The following AMPD1 variants were observed in gnomAD, a reference collection of about 807,000 sequenced individuals.
AMPD1 encodes the protein AMP deaminase 1.
In AMPD1, 74 loss-of-function variants were observed where a neutral mutation model predicts 82.9. The ratio of observed to expected loss-of-function variants is 0.89; its 90% CI spans 0.74 to 1.08. The LOEUF (loss-of-function observed/expected upper bound fraction) is 1.08, where lower values mean the gene tolerates loss of function less well. AMPD1 is among the 50% of genes least tolerant of loss of function. The pLI is 0.00. For synonymous variants in AMPD1, 333 were observed against 320.5 expected (o/e 1.04, Z -0.42); for missense variants, 881 against 924.5 (o/e 0.95, Z 0.61).
At chr1:114,692,753 ATTTTTTT>A in intron 2 of AMPD1, among the ~76,000 whole-genome samples, 1 of 141,036 alleles carries the variant, frequency 7.1e-6, no homozygotes, top group Non-Finnish European at 1.5e-5. Context: ...ATGAACAACA[ATTTTTTT>A]TTTTTTTTTT....
intron 7 of AMPD1, among the ~76,000 whole-genome samples, chr1:114,679,277 G>T (rs559855162): frequency 6.6e-6 from 1 of 152,300 alleles, no homozygotes; most frequent in East Asian, 1.9e-4. Flanking sequence ...AGGACTAGAA[G>T]GAAGATCTTT....
intron 4 of AMPD1, 92 bp from the exon 5 acceptor site, chr1:114,684,456 CTG>C: frequency 7.4e-7 from 1 of 1,345,238 alleles, no homozygotes; most frequent in Non-Finnish European, 1.0e-6. Context: ...CCCAGCTCTC[CTG>C]TGTATCGCAG....
chr1:114,675,470 A>G (rs1350306453), intron 12 of AMPD1, 60 bp downstream of exon 12: 1 of 1,570,610 alleles, frequency 6.4e-7, no homozygotes, highest in Non-Finnish European at 8.7e-7. Flanking sequence ...TTAATTGCCA[A>G]TATATGTGGA....
rs780401066 is a variant in AMPD1, at chr1:114,695,408, A to AC, written c.22+41_22+42insG. 45 of 1,602,956 alleles carry AC rather than the reference A, an allele frequency of 2.8e-5. No homozygotes were observed. The East Asian group carries it at 3.8e-4, about 14-fold the overall frequency. On this transcript the variant is annotated intron_variant, in intron 1 of 15. Coordinates refer to ENST00000520113, the MANE Select transcript of AMPD1 (RefSeq NM_000036.3). Reference sequence around the variant, plus strand: ...ACAGTTGCTTGTCAAAAAAAAAAAAAAACAACAACAACTGAGCTCTCCAAA... The same window carrying AC: ...ACAGTTGCTTGTCAAAAAAAAAAAAACAACAACAACAACTGAGCTCTCCAAA...
At chr1:114,679,123 C>T (rs1658080895) in intron 7 of AMPD1, among the ~76,000 whole-genome samples, 1 of 152,160 alleles carries the variant, frequency 6.6e-6, no homozygotes, top group Non-Finnish European at 1.5e-5. Context: ...ATTTCACAAT[C>T]TCTAGGCTAG....
At chr1:114,676,504 G>C (rs1657984847) in intron 10 of AMPD1, among the ~76,000 whole-genome samples, 1 of 152,076 alleles carries the variant, frequency 6.6e-6, no homozygotes, top group Non-Finnish European at 1.5e-5. Context: ...CCTTGTTTTA[G>C]AGATGATGAA....
At chr1:114,688,536 T>G in intron 3 of AMPD1, 25 bp downstream of exon 3, 3 of 1,613,646 alleles carry the variant, frequency 1.9e-6, no homozygotes, top group Non-Finnish European at 2.5e-6. Flanking sequence ...GCCAATATAC[T>G]AAGCACTCCC....
At chr1:114,690,808 G>C (rs949888135) in intron 2 of AMPD1, among the ~76,000 whole-genome samples, 4 of 152,102 alleles carry the variant, frequency 2.6e-5, no homozygotes, top group Non-Finnish European at 5.9e-5. Flanking sequence ...GCAGAAGTTG[G>C]AAGAGGCTGC....
rs1033130567 is a variant in AMPD1 at position 114,695,105 on chromosome 1, A to G, written c.22+345T>C. ...TTGTCATGTTCATGATTTTCAGCCA[A>G]TACCATAGCTAGAGTCATTATGTAG... On this transcript the variant is annotated intron_variant, in intron 1 of 15. Transcript: ENST00000520113. 3.9e-5 allele frequency among the ~76,000 whole-genome samples: 6 copies of G among 152,184 alleles called. No homozygotes were observed. In the East Asian group the frequency reaches 1.2e-3, roughly 29 times the overall value.
chr1:114,673,517 T>C (rs1423713871), intron 15 of AMPD1, 122 bp downstream of exon 15: 11 of 921,548 alleles, frequency 1.2e-5, no homozygotes, highest in Non-Finnish European at 1.9e-5. Flanking sequence ...CTAGTCCCTG[T>C]CCATAGTAAC....
chr1:114,677,802 C>CTTCT, intron 9 of AMPD1, 108 bp downstream of exon 9: 1 of 276,102 alleles, frequency 3.6e-6, no homozygotes, highest in Non-Finnish European at 5.1e-6. Flanking sequence ...TCTCTCCCTC[C>CTTCT]TTCCTTCCTT....
chr1:114,678,633 A>G, intron 7 of AMPD1, 106 bp from the exon 8 acceptor site: 3 of 1,041,778 alleles, frequency 2.9e-6, no homozygotes, highest in Non-Finnish European at 1.5e-6. Context: ...GACAAAGTGA[A>G]TAATGAGGAT....
chr1:114,676,240 C>A (rs927128827), intron 10 of AMPD1: 3 of 484,454 alleles, frequency 6.2e-6, no homozygotes, highest in Admixed American at 3.3e-5. Flanking sequence ...TTTTTACAAA[C>A]CTTTGTCATA....
At chr1:114,691,680 C>T (rs1207843499) in intron 2 of AMPD1, among the ~76,000 whole-genome samples, 1 of 152,118 alleles carries the variant, frequency 6.6e-6, no homozygotes, top group Admixed American at 6.6e-5. Context: ...AATCCCAGAA[C>T]TTTGGGAGGC....
chr1:114,679,354 T>C (rs1349776345), intron 7 of AMPD1, among the ~76,000 whole-genome samples: 1 of 152,362 alleles, frequency 6.6e-6, no homozygotes, highest in East Asian at 1.9e-4. Context: ...AGGATAACTA[T>C]AATTTTTTGT....
In AMPD1 at chr1:114,688,601, A is replaced by T. The variant is rs776156918; in HGVS notation, c.175T>A (p.Phe59Ile). 3 of 1,614,026 alleles carry T rather than the reference A, an allele frequency of 1.9e-6. No individual in the cohort carries two copies. The African/African-American group carries it at 4.0e-5, about 22-fold the overall frequency. The change falls in exon 3 of 16, where the codon TTC becomes ATC. Residue 59 changes from phenylalanine to isoleucine, a missense_variant. Transcript: ENST00000520113. ...ISHHEMQAHI[F>I]HLETLSTSTE... Reference sequence around the variant, plus strand: ...GAGGTGGACAGAGTCTCCAGATGGAATATGTGTGCTTGCATCTCATGATGA... The same window carrying T: ...GAGGTGGACAGAGTCTCCAGATGGATTATGTGTGCTTGCATCTCATGATGA...
intron 1 of AMPD1, among the ~76,000 whole-genome samples, chr1:114,694,285 G>A (rs1658613803): frequency 6.6e-6 from 1 of 151,926 alleles, no homozygotes; most frequent in African/African-American, 2.4e-5. Flanking sequence ...GAACCTAAGG[G>A]ATTAATTAAG....
At chr1:114,682,956 A>G (rs1035235912) in intron 5 of AMPD1, among the ~76,000 whole-genome samples, 1 of 152,216 alleles carries the variant, frequency 6.6e-6, no homozygotes, top group Non-Finnish European at 1.5e-5. Flanking sequence ...CAATTACAGG[A>G]AGATGTGTAT....
chr1:114,675,423 G>T, intron 12 of AMPD1, 107 bp downstream of exon 12: 2 of 1,242,020 alleles, frequency 1.6e-6, no homozygotes, highest in South Asian at 1.2e-5. Context: ...TGGGCCAATT[G>T]GAACCATCAC....
Sources: allele counts gnomAD v4.1 joint callset (sites outside exome capture counted in the v4.1 genomes callset), GRCh38; gene constraint gnomAD v4.1.1; transcripts MANE v1.5; gene names NCBI Gene and HGNC (gene_info 2026-07-23, HGNC 2026-07-21).